Variants in CDC73 observed in about 807,000 individuals in gnomAD.
The protein encoded by CDC73 is parafibromin.
A neutral mutation model predicts 83.7 loss-of-function variants in CDC73; 21 were observed. The observed-to-expected ratio is 0.25, with a 90% CI of 0.18 to 0.36. The LOEUF (loss-of-function observed/expected upper bound fraction) is 0.36, where lower values mean the gene tolerates loss of function less well. CDC73 is among the 10% of genes least tolerant of loss of function. The pLI, the probability that CDC73 is intolerant of heterozygous loss-of-function variation, is 1.00. For synonymous variants in CDC73, 224 were observed against 212.9 expected (o/e 1.05, Z -0.45); for missense variants, 342 against 653.3 (o/e 0.52, Z 5.19).
rs1675505915 is a variant in CDC73 at position 193,123,541 on chromosome 1, A to C, written c.131+1210A>C. Among the ~76,000 whole-genome samples, 3 of 152,168 alleles carry C rather than the reference A, an allele frequency of 2.0e-5. No individual in the cohort carries two copies. The South Asian group carries it at 6.2e-4, about 31-fold the overall frequency. On this transcript the variant is annotated intron_variant, in intron 1 of 16. Coordinates refer to ENST00000367435, the MANE Select transcript of CDC73 (RefSeq NM_024529.5). ...GGCGCCCTGCCTATTGGTTGGTTTT[A>C]AAATTTTTTTGTCTTATGATTTAAT...
At chr1:193,230,195 C>T (rs996036565) in intron 13 of CDC73, among the ~76,000 whole-genome samples, 1 of 147,898 alleles carries the variant, frequency 6.8e-6, no homozygotes, top group Non-Finnish European at 1.5e-5. Flanking sequence ...GTCCCCCAGG[C>T]TGGAGGGCAG....
intron 15 of CDC73, among the ~76,000 whole-genome samples, chr1:193,243,757 A>G (rs1677902263): frequency 6.6e-6 from 1 of 152,210 alleles, no homozygotes; most frequent in Non-Finnish European, 1.5e-5. Flanking sequence ...AGCCCCTTTA[A>G]TGAATTTGAT....
intron 10 of CDC73, among the ~76,000 whole-genome samples, chr1:193,203,482 T>C (rs997925185): frequency 6.6e-6 from 1 of 152,210 alleles, no homozygotes; most frequent in Non-Finnish European, 1.5e-5. Flanking sequence ...TCTGAGAATA[T>C]TAAAATTGTC....
chr1:193,122,405 C>A, intron 1 of CDC73, 74 bp downstream of exon 1: 1 of 1,594,890 alleles, frequency 6.3e-7, no homozygotes, highest in Non-Finnish European at 8.6e-7. Context: ...CTTTCTTAAC[C>A]CCTCCCCCCG....
At chr1:193,134,334 T>C (rs948294371) in intron 3 of CDC73, among the ~76,000 whole-genome samples, 1 of 151,968 alleles carries the variant, frequency 6.6e-6, no homozygotes, top group Non-Finnish European at 1.5e-5. Flanking sequence ...TTAAATAAAT[T>C]GTAGTTAGGC....
At chr1:193,228,355 A>G (rs1677599732) in intron 13 of CDC73, among the ~76,000 whole-genome samples, 2 of 152,196 alleles carry the variant, frequency 1.3e-5, no homozygotes, top group African/African-American at 4.8e-5. Context: ...AATATCTTCA[A>G]AAAAGATACG....
At chr1:193,201,728 A>G (rs1028885262) in intron 10 of CDC73, among the ~76,000 whole-genome samples, 2 of 152,198 alleles carry the variant, frequency 1.3e-5, no homozygotes, top group African/African-American at 2.4e-5. Flanking sequence ...TACAATTTAT[A>G]GTGGAAAAGG....
At chr1:193,213,054 A>G (rs906219222) in intron 13 of CDC73, among the ~76,000 whole-genome samples, 3 of 152,206 alleles carry the variant, frequency 2.0e-5, no homozygotes. Context: ...TGGGCACAAA[A>G]TAAATCTCTT....
chr1:193,157,966 T>C (rs556521385), intron 10 of CDC73, among the ~76,000 whole-genome samples: 3 of 151,958 alleles, frequency 2.0e-5, no homozygotes, highest in African/African-American at 7.2e-5. Flanking sequence ...ATAAAATGCT[T>C]AGTACAAAGA....
chr1:193,186,256 CTT>C (rs1558303445), intron 10 of CDC73: 1 of 152,466 alleles, frequency 6.6e-6, no homozygotes, highest in Non-Finnish European at 1.5e-5. Flanking sequence ...CATTTTCTCT[CTT>C]TCGTTAAACA....
chr1:193,227,585 G>C (rs1483373552), intron 13 of CDC73, among the ~76,000 whole-genome samples: 3 of 152,086 alleles, frequency 2.0e-5, no homozygotes, highest in African/African-American at 7.2e-5. Context: ...TAAAATTGTA[G>C]AAAATTGAAT....
intron 10 of CDC73, among the ~76,000 whole-genome samples, chr1:193,191,343 A>G (rs537449886): frequency 7.2e-5 from 11 of 152,256 alleles, no homozygotes; most frequent in African/African-American, 2.6e-4. Flanking sequence ...TGGTATAATC[A>G]TGTCTGAGAC....
chr1:193,181,462 A>C (rs762624742), intron 10 of CDC73: 2 of 1,614,070 alleles, frequency 1.2e-6, no homozygotes, highest in Non-Finnish European at 1.7e-6. Flanking sequence ...AAAAAGAAAC[A>C]CTAGAGAAAG....
At chr1:193,177,252 G>A (rs182275700) in intron 10 of CDC73, among the ~76,000 whole-genome samples, 58 of 150,410 alleles carry the variant, frequency 3.9e-4, no homozygotes, top group Admixed American at 1.5e-3. Flanking sequence ...GGCCGGGCGC[G>A]GTGGCTCAAG....
At chr1:193,140,002 G>A (rs1398317519) in intron 6 of CDC73, among the ~76,000 whole-genome samples, 2 of 152,086 alleles carry the variant, frequency 1.3e-5, no homozygotes, top group Non-Finnish European at 2.9e-5. Context: ...GTACGTGAGG[G>A]GGATCTTCTG....
At chr1:193,141,720 T>TA in intron 6 of CDC73, 130 bp from the exon 7 acceptor site, 1 of 674,380 alleles carries the variant, frequency 1.5e-6, no homozygotes, top group Non-Finnish European at 2.6e-6. Context: ...AAGTCAGTCT[T>TA]ACAGATAAGA....
chr1:193,135,460 C>G lies in CDC73; in HGVS notation c.370+7C>G, dbSNP rs1375228161. 1.2e-6 allele frequency: 2 copies of G among 1,612,058 alleles called. No individual in the cohort carries two copies. ...CTTCAGCGATCTACTCAAGGTATGT[C>G]TTGTTGCATATTTATATTGAACTTT... On this transcript the variant is annotated splice_region_variant and intron_variant, in intron 4 of 16. Transcript: ENST00000367435.
chr1:193,213,106 C>T (rs1677305211), intron 13 of CDC73, among the ~76,000 whole-genome samples: 1 of 152,088 alleles, frequency 6.6e-6, no homozygotes, highest in Non-Finnish European at 1.5e-5. Context: ...AAGTAGTTTA[C>T]GTATATTTTC....
chr1:193,158,929 C>T (rs946217518), intron 10 of CDC73, among the ~76,000 whole-genome samples: 2 of 142,758 alleles, frequency 1.4e-5, no homozygotes, highest in African/African-American at 2.5e-5. Context: ...AACATATATC[C>T]GTATTAACAT....
Sources: gnomAD v4.1 joint callset for allele counts (sites outside exome capture counted in the v4.1 genomes callset) on GRCh38, gnomAD v4.1.1 for gene constraint, MANE v1.5 for transcripts, NCBI Gene and HGNC (gene_info 2026-07-23, HGNC 2026-07-21) for gene names.